Variants in ARL15 observed in about 807,000 individuals in gnomAD.
ARL15 encodes the protein ARF like GTPase 15.
A neutral mutation model predicts 25.2 loss-of-function variants in ARL15; 19 were observed. The observed-to-expected ratio is 0.75, with a 90% CI of 0.53 to 1.10. The LOEUF is 1.10. Among genes scored for constraint, ARL15 ranks in the 50% least tolerant of loss-of-function variants. ARL15 has a pLI of 0.00. For missense variants in ARL15, 220 were observed against 246.0 expected, an observed-to-expected ratio of 0.89 and a Z score of 0.71; for synonymous variants, 94 against 86.8, an observed-to-expected ratio of 1.08 and a Z score of -0.46.
intron 1 of ARL15, among the ~76,000 whole-genome samples, chr5:54,204,135 G>A (rs1468904734): frequency 1.3e-5 from 2 of 152,044 alleles, no homozygotes; most frequent in East Asian, 1.9e-4. Context: ...TTTTCTTTTC[G>A]AGAGAGGAAA....
intron 1 of ARL15, among the ~76,000 whole-genome samples, chr5:54,252,422 G>T (rs1757254228): frequency 6.6e-6 from 1 of 152,150 alleles, no homozygotes; most frequent in Admixed American, 6.5e-5. Flanking sequence ...GAAAACACTT[G>T]CTACTTAGAA....
intron 1 of ARL15, among the ~76,000 whole-genome samples, chr5:54,192,662 T>TG (rs1386437140): frequency 8.5e-5 from 8 of 93,920 alleles, no homozygotes; most frequent in African/African-American, 1.7e-4. Flanking sequence ...AGAGTTGGGG[T>TG]GGGGGGCGGG....
At chr5:54,285,532 T>C (rs1758160345) in intron 1 of ARL15, among the ~76,000 whole-genome samples, 1 of 152,220 alleles carries the variant, frequency 6.6e-6, no homozygotes, top group Non-Finnish European at 1.5e-5. Flanking sequence ...TTTTTTATAC[T>C]TAACATAATT....
chr5:54,209,687 A>G (rs1263449175), intron 1 of ARL15, among the ~76,000 whole-genome samples: 1 of 144,296 alleles, frequency 6.9e-6, no homozygotes, highest in Non-Finnish European at 1.5e-5. Flanking sequence ...TAAAGCACAT[A>G]TAATGAAAAA....
At chr5:53,937,235 C>CT (rs1746377397) in intron 4 of ARL15, among the ~76,000 whole-genome samples, 1 of 152,050 alleles carries the variant, frequency 6.6e-6, no homozygotes, top group Non-Finnish European at 1.5e-5. Context: ...AATTAAGTGT[C>CT]TGAGAGATAA....
chr5:54,173,949 C>T (rs1002385334), intron 1 of ARL15, among the ~76,000 whole-genome samples: 5 of 152,082 alleles, frequency 3.3e-5, no homozygotes, highest in Admixed American at 3.3e-4. Context: ...TAGCCAACAC[C>T]TCATCATTTT....
intron 4 of ARL15, among the ~76,000 whole-genome samples, chr5:54,057,377 G>T (rs1226419232): frequency 6.6e-6 from 1 of 152,094 alleles, no homozygotes; most frequent in Non-Finnish European, 1.5e-5. Context: ...AAAACCATAA[G>T]ACTGGTAACA....
At chr5:54,036,590 A>T (rs1416309125) in intron 4 of ARL15, among the ~76,000 whole-genome samples, 1 of 152,128 alleles carries the variant, frequency 6.6e-6, no homozygotes, top group Non-Finnish European at 1.5e-5. Context: ...TGGGGGAAAA[A>T]AAAAACTATA....
intron 4 of ARL15, among the ~76,000 whole-genome samples, chr5:54,049,811 A>G (rs1750650729): frequency 6.6e-6 from 1 of 151,836 alleles, no homozygotes; most frequent in African/African-American, 2.4e-5. Flanking sequence ...AACTCAAGTG[A>G]TCTTCCCACC....
chr5:54,241,417 T>C, intron 1 of ARL15, among the ~76,000 whole-genome samples: 1 of 152,182 alleles, frequency 6.6e-6, no homozygotes, highest in East Asian at 1.9e-4. Flanking sequence ...ATATTCTTTC[T>C]AAAATGTAAT....
intron 3 of ARL15, among the ~76,000 whole-genome samples, chr5:54,135,939 C>A (rs1362330191): frequency 1.3e-5 from 2 of 152,166 alleles, no homozygotes; most frequent in Non-Finnish European, 2.9e-5. Flanking sequence ...CCCACTGCAG[C>A]AAATGCACCC....
intron 3 of ARL15, among the ~76,000 whole-genome samples, chr5:54,124,314 A>G (rs944101975): frequency 6.6e-6 from 1 of 152,224 alleles, no homozygotes; most frequent in Non-Finnish European, 1.5e-5. Context: ...GCACATATAA[A>G]AGTATGTTAA....
At chr5:54,261,243 C>T (rs918302309) in intron 1 of ARL15, among the ~76,000 whole-genome samples, 1 of 152,220 alleles carries the variant, frequency 6.6e-6, no homozygotes, top group Admixed American at 6.5e-5. Context: ...ATAACACTTT[C>T]TTCCTTGCCA....
chr5:54,049,934 C>T (rs1019502261), intron 4 of ARL15, among the ~76,000 whole-genome samples: 6 of 152,224 alleles, frequency 3.9e-5, no homozygotes, highest in Admixed American at 6.5e-5. Context: ...TCAATAAGAA[C>T]GGGCAGACAA....
chr5:54,284,372 T>TG (rs1350481680), intron 1 of ARL15, among the ~76,000 whole-genome samples: 1 of 152,224 alleles, frequency 6.6e-6, no homozygotes, highest in East Asian at 1.9e-4. Context: ...CCCAAAATGC[T>TG]GGGATTATAG....
intron 4 of ARL15, among the ~76,000 whole-genome samples, chr5:53,984,520 C>T (rs769574633): frequency 1.3e-5 from 2 of 152,128 alleles, no homozygotes; most frequent in Non-Finnish European, 2.9e-5. Context: ...GAGGCCCCAA[C>T]GCCTATTTAG....
chr5:54,284,357 G>A (rs565204953), intron 1 of ARL15, among the ~76,000 whole-genome samples: 23 of 152,002 alleles, frequency 1.5e-4, no homozygotes, highest in African/African-American at 5.6e-4. Context: ...CACCTCCCTC[G>A]GCCTCCCAAA....
At chr5:54,157,421 A>T (rs1389971161) in intron 2 of ARL15, among the ~76,000 whole-genome samples, 2 of 151,714 alleles carry the variant, frequency 1.3e-5, no homozygotes, top group Non-Finnish European at 1.5e-5. Flanking sequence ...TTATTATTTT[A>T]TTTTTTTTGA....
At chr5:53,942,529 T>G (rs1746571039) in intron 4 of ARL15, among the ~76,000 whole-genome samples, 1 of 149,654 alleles carries the variant, frequency 6.7e-6, no homozygotes, top group African/African-American at 2.5e-5. Flanking sequence ...AGGTGGATCA[T>G]GAGGTCAAGA....
Sources: allele counts gnomAD v4.1 joint callset (sites outside exome capture counted in the v4.1 genomes callset), GRCh38; gene constraint gnomAD v4.1.1; transcripts MANE v1.5; gene names NCBI Gene and HGNC (gene_info 2026-07-23, HGNC 2026-07-21).